The following ADK variants were observed in gnomAD, a reference collection of about 807,000 sequenced individuals.
ADK encodes the protein N6,N6-dimethyladenosine kinase.
In ADK, 24 loss-of-function variants were observed where a neutral mutation model predicts 44.7. That is an observed-to-expected ratio of 0.54 (90% CI 0.39 to 0.76). The LOEUF (loss-of-function observed/expected upper bound fraction) is 0.76. Ranked by LOEUF, ADK falls within the 30% of genes least tolerant of loss-of-function variation. The probability of loss-of-function intolerance (pLI) is 0.00; values close to 1 mark genes in which losing one functional copy is unlikely to be tolerated. For synonymous variants in ADK, 128 were observed against 142.6 expected (o/e 0.90, Z 0.73); for missense variants, 321 against 425.1 (o/e 0.76, Z 2.15).
chr10:74,247,224 G>GTTTTTTTTTTTTTTTTTTTTTTTTTTATT (rs142274121), intron 3 of ADK, among the ~76,000 whole-genome samples: 1 of 72,004 alleles, frequency 1.4e-5, no homozygotes, highest in Non-Finnish European at 2.3e-5. Flanking sequence ...TTTTTTTTAA[G>GTTTTTTTTTTTTTTTTTTTTTTTTTTATT]TTTTTTTTTT....
chr10:74,413,016 C>A (rs1844240632), intron 6 of ADK, among the ~76,000 whole-genome samples: 1 of 152,006 alleles, frequency 6.6e-6, no homozygotes, highest in Non-Finnish European at 1.5e-5. Flanking sequence ...CAAGATTGCG[C>A]CATTGCACTC....
At chr10:74,162,517 TC>T (rs1841931069) in intron 1 of ADK, among the ~76,000 whole-genome samples, 1 of 131,194 alleles carries the variant, frequency 7.6e-6, no homozygotes, top group Non-Finnish European at 1.6e-5. Flanking sequence ...CGATTGCATT[TC>T]TTTTGTGTGT....
At chr10:74,432,933 T>C (rs990705031) in intron 6 of ADK, among the ~76,000 whole-genome samples, 1 of 152,194 alleles carries the variant, frequency 6.6e-6, no homozygotes, top group Non-Finnish European at 1.5e-5. Context: ...GGAACCTTTT[T>C]GCTTCATGAT....
intron 3 of ADK, among the ~76,000 whole-genome samples, chr10:74,239,255 A>G (rs1255987922): frequency 6.6e-6 from 1 of 151,826 alleles, no homozygotes; most frequent in East Asian, 1.9e-4. Context: ...AACACATGTT[A>G]TGGAGTAGTA....
At chr10:74,586,854 CAAA>C (rs35038709) in intron 7 of ADK, among the ~76,000 whole-genome samples, 14 of 106,508 alleles carry the variant, frequency 1.3e-4, no homozygotes, top group African/African-American at 4.1e-4. Flanking sequence ...AGCTCTGTCT[CAAA>C]AAAAAAAAAA....
At chr10:74,259,530 C>T (rs1268443228) in intron 3 of ADK, among the ~76,000 whole-genome samples, 6 of 146,952 alleles carry the variant, frequency 4.1e-5, no homozygotes, top group African/African-American at 1.5e-4. Flanking sequence ...GATCTCGGCT[C>T]ACCGCAAGCT....
intron 6 of ADK, among the ~76,000 whole-genome samples, chr10:74,470,024 C>CTTTTTT (rs372745779): frequency 7.5e-6 from 1 of 133,292 alleles, no homozygotes; most frequent in African/African-American, 2.8e-5. Context: ...TATATACCAC[C>CTTTTTT]TTTTTTTTTT....
rs1554827764 is a variant in ADK, at chr10:74,195,090, C to CCA, written c.66-5674_66-5673insCA. Among the ~76,000 whole-genome samples the CCA allele has an allele frequency of 5.3e-3, 786 of 148,920 alleles. 3 individuals carry two copies. Among genetic ancestry groups the CCA allele is most frequent in the Non-Finnish European group, 8.2e-3 (552 of 67,136 alleles). ...TAAAATTACTGACCGCTCCCCCCCC[C>CCA]AAAAAAAAAAGATTGTTCAGAATCT... On this transcript the variant is annotated intron_variant, in intron 1 of 10. Transcript: ENST00000539909.
chr10:74,317,982 A>T (rs185345022), intron 4 of ADK, among the ~76,000 whole-genome samples: 173 of 152,036 alleles, frequency 1.1e-3, no homozygotes, highest in African/African-American at 4.0e-3. Context: ...GGGTTTCACC[A>T]TGTTGGCCAG....
At chr10:74,342,694 C>T (rs1032939080) in intron 4 of ADK, among the ~76,000 whole-genome samples, 4 of 152,008 alleles carry the variant, frequency 2.6e-5, no homozygotes, top group Non-Finnish European at 4.4e-5. Flanking sequence ...AGGCTGGTCT[C>T]GAACTCTTGG....
At chr10:74,654,369 A>G (rs1004197457) in intron 9 of ADK, among the ~76,000 whole-genome samples, 2 of 152,212 alleles carry the variant, frequency 1.3e-5, no homozygotes, top group Non-Finnish European at 2.9e-5. Flanking sequence ...GCTTCTTCCT[A>G]TTCTCCCGCC....
chr10:74,657,814 T>C (rs897917110), intron 9 of ADK, among the ~76,000 whole-genome samples: 1 of 152,230 alleles, frequency 6.6e-6, no homozygotes, highest in Non-Finnish European at 1.5e-5. Flanking sequence ...GAAGTAATTG[T>C]AACTATGATA....
chr10:74,464,702 G>A (rs1389468023), intron 6 of ADK, among the ~76,000 whole-genome samples: 1 of 152,104 alleles, frequency 6.6e-6, no homozygotes, highest in Non-Finnish European at 1.5e-5. Context: ...ACAGAAGCAG[G>A]CCAGGCACAG....
rs1856690868 is a variant in ADK, at chr10:74,708,712, T to C, written c.*267T>C. 3.1e-6 allele frequency: 1 copy of C among 327,608 alleles called. No individual in the cohort carries two copies. 20.3% of individuals were successfully genotyped at this position (327,608 alleles called of 1,614,324 possible). A position where few individuals can be genotyped will look rare whatever the true frequency, so the allele number is the denominator to read the frequency against. On this transcript the variant is annotated 3_prime_UTR_variant, in exon 11 of 11. Transcript: ENST00000539909. ...AATATAACATTTCAATAGAAATTTTTATTTCATTTTCAATTACTTTGTAAA... is the reference window on the plus strand; with the variant it reads ...AATATAACATTTCAATAGAAATTTTCATTTCATTTTCAATTACTTTGTAAA...
intron 4 of ADK, among the ~76,000 whole-genome samples, chr10:74,346,136 C>G (rs1382014488): frequency 6.6e-6 from 1 of 152,220 alleles, no homozygotes. Context: ...AGGTGATCTA[C>G]CTGACTCAGC....
chr10:74,399,735 A>C (rs1843645291), intron 6 of ADK, among the ~76,000 whole-genome samples: 1 of 151,994 alleles, frequency 6.6e-6, no homozygotes, highest in African/African-American at 2.4e-5. Flanking sequence ...GTACTATTTC[A>C]AACCATCTTA....
chr10:74,331,506 C>T (rs554812025), intron 4 of ADK, among the ~76,000 whole-genome samples: 17 of 152,184 alleles, frequency 1.1e-4, no homozygotes, highest in South Asian at 4.1e-4. Flanking sequence ...TTTTTTTAGA[C>T]GGAGTTTTGC....
At chr10:74,612,034 C>A (rs1292798103) in intron 9 of ADK, among the ~76,000 whole-genome samples, 1 of 152,044 alleles carries the variant, frequency 6.6e-6, no homozygotes, top group Non-Finnish European at 1.5e-5. Flanking sequence ...GTTTTTAGTT[C>A]TTTGAGAAAG....
At chr10:74,176,665 C>T (rs1301027624) in intron 1 of ADK, 4 of 1,428,836 alleles carry the variant, frequency 2.8e-6, no homozygotes, top group South Asian at 2.9e-5. Context: ...ATCTCCAGCC[C>T]TTCGCACGGG....
Sources: allele counts gnomAD v4.1 joint callset (sites outside exome capture counted in the v4.1 genomes callset), GRCh38; gene constraint gnomAD v4.1.1; transcripts MANE v1.5; gene names NCBI Gene and HGNC (gene_info 2026-07-23, HGNC 2026-07-21).